Variants in YLPM1 observed in about 807,000 individuals in gnomAD.
YLPM1 encodes the protein YLP motif containing 1.
In YLPM1, 99 loss-of-function variants were observed where a neutral mutation model predicts 230.0. The ratio of observed to expected loss-of-function variants is 0.43; its 90% CI spans 0.37 to 0.51. The LOEUF (loss-of-function observed/expected upper bound fraction) is 0.51. YLPM1 is among the 20% of genes least tolerant of loss of function. The pLI is 0.00. For synonymous variants in YLPM1, 984 were observed against 942.5 expected, an observed-to-expected ratio of 1.04 and a Z score of -0.81; for missense variants, 2,592 against 2,707.7, an observed-to-expected ratio of 0.96 and a Z score of 0.95.
chr14:74,799,164 T>C lies in YLPM1; in HGVS notation c.3867T>C (p.Asp1289=). 1 of 1,613,814 alleles carries C rather than the reference T, an allele frequency of 6.2e-7. No individual in the cohort carries two copies. The highest frequency in any genetic ancestry group is 8.5e-7 in the Non-Finnish European group (1 of 1,179,822). The change falls in exon 5 of 21, where the codon GAT becomes GAC. Residue 1289 remains aspartate, a synonymous_variant. Coordinates refer to ENST00000325680, the MANE Select transcript of YLPM1 (RefSeq NM_019589.3). ...NREMERDMDR[D]VDRISRPMDM... The stretch of plus-strand genomic sequence containing the variant: ...AAATGGAAAGGGACATGGACAGGGA[T>C]GTGGATCGGATTTCAAGACCTATGG...
chr14:74,831,907 G>A (rs1400788991), intron 19 of YLPM1, among the ~76,000 whole-genome samples: 1 of 152,158 alleles, frequency 6.6e-6, no homozygotes, highest in Non-Finnish European at 1.5e-5. Flanking sequence ...TAAATGGCTA[G>A]GCTTTAAAAT....
chr14:74,779,633 A>T (rs889869991), intron 2 of YLPM1, among the ~76,000 whole-genome samples: 13 of 131,370 alleles, frequency 9.9e-5, no homozygotes, highest in African/African-American at 3.5e-4. Context: ...TCTATAACTT[A>T]AGGTTCACTT....
rs1218321180 is a variant in YLPM1 at position 74,835,760 on chromosome 14, T to G, written c.*37-15T>G. On this transcript the variant is annotated splice_polypyrimidine_tract_variant and intron_variant, in intron 20 of 20. Transcript: ENST00000325680. ...TGTTCTTTCCAGGTGTGACAGCCTT[T>G]TCTTTTCTTTCCAGGTGGTTCGCTT... 1 of 433,906 alleles carries G rather than the reference T, an allele frequency of 2.3e-6. No homozygotes were observed. The highest frequency in any genetic ancestry group is 1.7e-5 in the South Asian group (1 of 59,048). 26.9% of individuals were successfully genotyped at this position (433,906 alleles called of 1,614,324 possible).
chr14:74,818,365 C>G, intron 16 of YLPM1, 51 bp downstream of exon 16: 1 of 1,475,240 alleles, frequency 6.8e-7, no homozygotes, highest in African/African-American at 1.4e-5. Context: ...ACTTTTTCAC[C>G]TTTTTACTTT....
chr14:74,833,498 C>T (rs2091622885), intron 19 of YLPM1, among the ~76,000 whole-genome samples: 1 of 152,182 alleles, frequency 6.6e-6, no homozygotes, highest in African/African-American at 2.4e-5. Context: ...CGTGATCTGC[C>T]GGCCTCGGCC....
intron 6 of YLPM1, among the ~76,000 whole-genome samples, chr14:74,804,161 C>T (rs556849583): frequency 2.0e-5 from 3 of 152,016 alleles, no homozygotes; most frequent in Non-Finnish European, 4.4e-5. Flanking sequence ...ATCTCAAAAT[C>T]AAAACAAAAC....
Position 74,835,433 on chromosome 14 carries a change from C to A in YLPM1, c.*22C>A. 1.9e-6 allele frequency: 3 copies of A among 1,611,724 alleles called. No individual in the cohort carries two copies. In the South Asian group the frequency reaches 3.3e-5, roughly 18 times the overall value. Reference sequence around the variant, plus strand: ...ATGAGACTTAGTTTTTGAACGGAGTCATTATTCCTCTAAGGTAAGAGTACA... The same window carrying A: ...ATGAGACTTAGTTTTTGAACGGAGTAATTATTCCTCTAAGGTAAGAGTACA... On this transcript the variant is annotated 3_prime_UTR_variant, in exon 20 of 21. Transcript: ENST00000325680.
In YLPM1 at chr14:74,763,922, TC is replaced by T. The variant is rs770407893; in HGVS notation, c.440del (p.Pro147LeufsTer72). On this transcript the variant is annotated frameshift_variant, in exon 1 of 21. Transcript: ENST00000325680. LOFTEE classifies it high-confidence loss of function. ...TGGTTTGGTTCCAATGGAGCTGGAA[TC>T]CCCCCCTGAATCTCCCCCTGTGCCG... ...PPGLVPMELE[S>X]PPESPPVPPG... 2.6e-5 allele frequency: 38 copies of T among 1,455,764 alleles called. No homozygotes were observed. Among genetic ancestry groups the T allele is most frequent in the East Asian group, 8.0e-5 (3 of 37,580 alleles). 90.2% of individuals were successfully genotyped at this position (1,455,764 alleles called of 1,614,324 possible).
intron 17 of YLPM1, among the ~76,000 whole-genome samples, chr14:74,823,136 AC>A (rs1263966594): frequency 6.6e-6 from 1 of 151,204 alleles, no homozygotes; most frequent in East Asian, 1.9e-4. Flanking sequence ...AATGTATGAA[AC>A]CCATAGGATT....
intron 16 of YLPM1, among the ~76,000 whole-genome samples, chr14:74,820,389 C>T (rs1314065494): frequency 6.6e-6 from 1 of 152,158 alleles, no homozygotes; most frequent in Non-Finnish European, 1.5e-5. Flanking sequence ...GCTGAGACTA[C>T]AGGCGCATGC....
Position 74,798,644 on chromosome 14 carries a change from G to A in YLPM1, c.3347G>A (p.Arg1116Lys). Residue 1116 changes from arginine (R) to lysine (K), a missense_variant, in exon 5 of 21, where the codon AGG (arginine) becomes AAG (lysine). Coordinates refer to ENST00000325680, the MANE Select transcript of YLPM1 (RefSeq NM_019589.3). The part of the protein sequence containing the change: ...AGSRERGPPR[R>K]AGSQERGPLR... ...AGCCGAGAAAGGGGACCACCTCGGA[G>A]GGCTGGCAGTCAGGAGAGGGGACCT... 1 of 1,612,178 alleles carries A rather than the reference G, an allele frequency of 6.2e-7. No individual in the cohort carries two copies. Among genetic ancestry groups the A allele is most frequent in the Non-Finnish European group, 8.5e-7 (1 of 1,178,772 alleles).
chr14:74,765,916 A>G (rs2090907034), intron 1 of YLPM1, among the ~76,000 whole-genome samples: 1 of 152,238 alleles, frequency 6.6e-6, no homozygotes, highest in Admixed American at 6.5e-5. Context: ...CACATAGACC[A>G]GATCAAGAAG....
intron 19 of YLPM1, among the ~76,000 whole-genome samples, chr14:74,830,053 A>T (rs983853706): frequency 9.9e-5 from 15 of 152,194 alleles, no homozygotes; most frequent in Non-Finnish European, 2.2e-4. Flanking sequence ...TTTAGTTCAG[A>T]TAGAGGTGTT....
intron 19 of YLPM1, 143 bp downstream of exon 19, chr14:74,829,486 CAT>C (rs2091591960): frequency 8.4e-7 from 1 of 1,184,912 alleles, no homozygotes; most frequent in Admixed American, 2.6e-5. Flanking sequence ...AAGAAGGAGT[CAT>C]ACCTTATAAA....
In YLPM1 at chr14:74,816,604, A is replaced by G; in HGVS notation, c.5599A>G (p.Arg1867Gly). Residue 1867 changes from arginine (R) to glycine (G), a missense_variant, in exon 13 of 21, where the codon AGA (arginine) becomes GGA (glycine). Arg to Gly is a moderately radical substitution (Grantham distance 125). Coordinates refer to ENST00000325680, the MANE Select transcript of YLPM1 (RefSeq NM_019589.3). ...KEVEFGGPAP[R>G]VLSLDDYFIT... ...GGTAGAATTTGGAGGACCTGCACCC[A>G]GAGTTCTAAGCCTGGATGATTACTT... The G allele has an allele frequency of 6.2e-7, 1 of 1,613,794 alleles. No individual in the cohort carries two copies. Among genetic ancestry groups the G allele is most frequent in the Non-Finnish European group, 8.5e-7 (1 of 1,179,790 alleles).
At position 74,836,368 on chromosome 14, in the gene YLPM1, A is replaced by G. The variant is rs1356987947; in HGVS notation, c.*630A>G. 1 of 152,226 alleles carries G rather than the reference A, an allele frequency of 6.6e-6. No individual in the cohort carries two copies. Among genetic ancestry groups the G allele is most frequent in the South Asian group, 2.1e-4 (1 of 4,826 alleles). 9.4% of individuals were successfully genotyped at this position (152,226 alleles called of 1,614,324 possible). ...GGTTCAAATGATGTTCAAAACACTC[A>G]TCTTTGTTTTATAGCTGATTTCTCT... is the stretch of plus-strand genomic sequence containing the variant. On this transcript the variant is annotated 3_prime_UTR_variant, in exon 21 of 21. Transcript: ENST00000325680.
intron 11 of YLPM1, among the ~76,000 whole-genome samples, chr14:74,814,175 C>T (rs907405202): frequency 3.3e-5 from 5 of 152,132 alleles, no homozygotes; most frequent in African/African-American, 9.7e-5. Flanking sequence ...TCCTGGCTAA[C>T]ACGGTGAAAC....
chr14:74,792,182 A>T (rs185140070), intron 4 of YLPM1, among the ~76,000 whole-genome samples: 1 of 152,112 alleles, frequency 6.6e-6, no homozygotes, highest in African/African-American at 2.4e-5. Flanking sequence ...TGATGTATAT[A>T]CTTTGACAAG....
chr14:74,820,755 G>A (rs902993209), intron 16 of YLPM1, among the ~76,000 whole-genome samples: 7 of 152,184 alleles, frequency 4.6e-5, no homozygotes, highest in African/African-American at 1.4e-4. Flanking sequence ...AAAAATACTC[G>A]TTAAAGATTT....
Sources: gnomAD v4.1 joint callset for allele counts (sites outside exome capture counted in the v4.1 genomes callset) on GRCh38, gnomAD v4.1.1 for gene constraint, MANE v1.5 for transcripts, NCBI Gene and HGNC (gene_info 2026-07-23, HGNC 2026-07-21) for gene names.